PDZD2: variants seen among roughly 807,000 people sequenced by gnomAD.
The protein encoded by PDZD2 is PDZ domain-containing protein 2.
In PDZD2, 90 loss-of-function variants were observed where a neutral mutation model predicts 220.7. The ratio of observed to expected loss-of-function variants is 0.41; its 90% CI spans 0.34 to 0.49. The LOEUF is 0.49. Among genes scored for constraint, PDZD2 ranks in the 20% least tolerant of loss-of-function variants. PDZD2 has a pLI of 0.28. For missense variants in PDZD2, 3,174 were observed against 3,608.5 expected (o/e 0.88, Z 3.08); for synonymous variants, 1,375 against 1,450.5 (o/e 0.95, Z 1.18).
Position 32,088,488 on chromosome 5 carries a change from G to T in PDZD2, c.5040G>T (p.Ala1680=). The T allele has an allele frequency of 6.2e-7, 1 of 1,614,006 alleles. No homozygotes were observed. Among genetic ancestry groups the T allele is most frequent in the Admixed American group, 1.7e-5 (1 of 59,998 alleles). ...GCTCTCAGGAGCATGAAACTCATGC[G>T]GACATAAGCACTTCACAGAACCACA... ...EMSSQEHETH[A]DISTSQNHRP... Residue 1680 remains alanine (A), a synonymous_variant, in exon 20 of 25, where the codon GCG becomes GCT. Transcript: ENST00000438447. This position sits in a 1 kb window ranked among gnomAD's most constrained non-coding sequence, Gnocchi z 4.6.
intron 1 of PDZD2, among the ~76,000 whole-genome samples, chr5:31,752,122 AGGCT>A (rs1020592359): frequency 1.9e-5 from 2 of 107,294 alleles, no homozygotes; most frequent in Non-Finnish European, 3.6e-5. Flanking sequence ...TCAATCACTT[AGGCT>A]GGAGTGCAGT....
At chr5:31,892,354 A>T (rs1208579460) in intron 2 of PDZD2, among the ~76,000 whole-genome samples, 1 of 152,256 alleles carries the variant, frequency 6.6e-6, no homozygotes, top group Non-Finnish European at 1.5e-5. Flanking sequence ...CTCATAAACC[A>T]AGAGCAAGAT....
intron 2 of PDZD2, among the ~76,000 whole-genome samples, chr5:31,946,810 T>C (rs1746673812): frequency 6.6e-6 from 1 of 152,194 alleles, no homozygotes; most frequent in South Asian, 2.1e-4. Flanking sequence ...TCCCACCTTA[T>C]TTTCATTTGT....
At position 32,101,119 on chromosome 5, in the gene PDZD2, G is replaced by A. The variant is rs1448842571; in HGVS notation, c.8233G>A (p.Val2745Ile). ...LEPGIGRSVA[V>I]HDALCVEVLK... ...TGCGGCTGCAGGGAGAAGTGTGGCT[G>A]TACACGATGCTCTGTGTGTTGAAGT... Residue 2745 changes from valine to isoleucine, a missense_variant, in exon 24 of 25, where the codon GTA becomes ATA. Val to Ile is a conservative substitution (Grantham distance 29). Coordinates refer to ENST00000438447, the MANE Select transcript of PDZD2 (RefSeq NM_178140.4). 1 of 1,614,092 alleles carries A rather than the reference G, an allele frequency of 6.2e-7. No individual in the cohort carries two copies. The highest frequency in any genetic ancestry group is 8.5e-7 in the Non-Finnish European group (1 of 1,179,948).
chr5:32,080,085 A>T (rs1317842007), intron 19 of PDZD2, among the ~76,000 whole-genome samples: 1 of 152,098 alleles, frequency 6.6e-6, no homozygotes, highest in Non-Finnish European at 1.5e-5. Flanking sequence ...GCAGTGGCTC[A>T]CACCTGTAAT....
chr5:32,001,268 T>G (rs1752082588), intron 5 of PDZD2, among the ~76,000 whole-genome samples: 1 of 152,120 alleles, frequency 6.6e-6, no homozygotes, highest in Non-Finnish European at 1.5e-5. Flanking sequence ...CGGCAGCTCT[T>G]CCAGGAGGAG....
At chr5:31,706,201 A>G (rs1747813596) in intron 1 of PDZD2, among the ~76,000 whole-genome samples, 1 of 152,214 alleles carries the variant, frequency 6.6e-6, no homozygotes, top group South Asian at 2.1e-4. Context: ...GAGGTGGCCA[A>G]GATGTTGGCT....
chr5:32,034,968 G>A (rs1013958576), intron 6 of PDZD2, among the ~76,000 whole-genome samples: 3 of 152,134 alleles, frequency 2.0e-5, no homozygotes, highest in Non-Finnish European at 4.4e-5. Flanking sequence ...CTGAACACCT[G>A]CCAGTTCCTG....
intron 8 of PDZD2, among the ~76,000 whole-genome samples, chr5:32,050,443 G>A (rs1738422113): frequency 6.6e-6 from 1 of 152,062 alleles, no homozygotes; most frequent in Admixed American, 6.6e-5. Flanking sequence ...CAAGAAAACT[G>A]TCCTTTCTTT....
intron 1 of PDZD2, among the ~76,000 whole-genome samples, chr5:31,764,871 G>A (rs1017717419): frequency 6.6e-6 from 1 of 152,200 alleles, no homozygotes; most frequent in African/African-American, 2.4e-5. Flanking sequence ...GAGGTCAGGA[G>A]TTCGAGACCG....
rs10708046 is a variant in PDZD2, at chr5:32,083,196, CAAA to C, written c.3683-3921_3683-3919del. Among the ~76,000 whole-genome samples, 1 of 129,798 alleles carries C rather than the reference CAAA, an allele frequency of 7.7e-6. No homozygotes were observed. Among genetic ancestry groups the C allele is most frequent in the Admixed American group, 7.6e-5 (1 of 13,080 alleles). The allele number at this position is 129,798 out of a possible 152,430, so 85.2% of individuals were successfully genotyped here. A position where few individuals can be genotyped will look rare whatever the true frequency, so the allele number is the denominator to read the frequency against. ...TCCTGTGCTTTTTTTGTCTTTTTGC[CAAA>C]AAAAAAAAAAAAATCCACTGTGGTA... On this transcript the variant is annotated intron_variant, in intron 19 of 24. Transcript: ENST00000438447. This position sits in a 1 kb window ranked among gnomAD's most constrained non-coding sequence, Gnocchi z 4.1.
chr5:31,667,165 G>A (rs574445751), intron 1 of PDZD2, among the ~76,000 whole-genome samples: 23 of 150,906 alleles, frequency 1.5e-4, no homozygotes, highest in African/African-American at 5.1e-4. Context: ...GAACCCAGGA[G>A]ACGGAGCTTG....
At chr5:32,018,336 G>A (rs367747833) in intron 6 of PDZD2, among the ~76,000 whole-genome samples, 2 of 152,318 alleles carry the variant, frequency 1.3e-5, no homozygotes, top group East Asian at 3.9e-4. Context: ...GGGGCTGGGC[G>A]ATGCCCAGGG....
At chr5:31,706,946 C>G (rs1482529148) in intron 1 of PDZD2, among the ~76,000 whole-genome samples, 2 of 151,846 alleles carry the variant, frequency 1.3e-5, no homozygotes, top group Non-Finnish European at 2.9e-5. Context: ...TGTGTTGAAG[C>G]CTTAACCCCC....
chr5:31,875,419 A>G (rs1276302845), intron 2 of PDZD2, among the ~76,000 whole-genome samples: 1 of 151,896 alleles, frequency 6.6e-6, no homozygotes, highest in Non-Finnish European at 1.5e-5. Flanking sequence ...CCCTGTCTCT[A>G]CTAAAAATAC....
chr5:31,895,186 C>T (rs1207891289), intron 2 of PDZD2, among the ~76,000 whole-genome samples: 2 of 152,204 alleles, frequency 1.3e-5, no homozygotes, highest in Middle Eastern at 3.2e-3. Flanking sequence ...CCGTGCCTGG[C>T]CGCCCTTTCT....
At chr5:31,662,361 G>A (rs1745802173) in intron 1 of PDZD2, among the ~76,000 whole-genome samples, 2 of 152,156 alleles carry the variant, frequency 1.3e-5, no homozygotes, top group South Asian at 4.1e-4. Context: ...ATCTGTAAAA[G>A]AAGAAAACGT....
intron 21 of PDZD2, among the ~76,000 whole-genome samples, chr5:32,094,647 GC>G (rs1743468701): frequency 1.3e-5 from 2 of 151,208 alleles, no homozygotes; most frequent in South Asian, 4.2e-4. Context: ...ATCATCTGAG[GC>G]CAGGAGTTCG....
At chr5:32,027,235 TAG>T (rs1191350039) in intron 6 of PDZD2, among the ~76,000 whole-genome samples, 1 of 152,148 alleles carries the variant, frequency 6.6e-6, no homozygotes, top group East Asian at 1.9e-4. Context: ...TGAGAGTTAC[TAG>T]AGGACACTAG....
Sources: allele counts gnomAD v4.1 joint callset (sites outside exome capture counted in the v4.1 genomes callset), GRCh38; gene constraint gnomAD v4.1.1; non-coding constraint Gnocchi (gnomAD v3.1); transcripts MANE v1.5; gene names NCBI Gene and HGNC (gene_info 2026-07-23, HGNC 2026-07-21).